The following FIGNL2 variants were observed in gnomAD, a reference collection of about 807,000 sequenced individuals.
The protein encoded by FIGNL2 is fidgetin-like protein 2.
For synonymous variants in FIGNL2, 565 were observed against 484.0 expected (o/e 1.17, Z -2.20); for missense variants, 1,060 against 950.2 (o/e 1.12, Z -1.52).
chr12:51,844,868 C>T (rs375870162), intron 1 of FIGNL2: 7 of 985,260 alleles, frequency 7.1e-6, no homozygotes, highest in African/African-American at 1.7e-5. Context: ...TACCCCTGGT[C>T]GCTTGGTTCT....
At position 51,821,194 on chromosome 12, in the gene FIGNL2, T is replaced by C; in HGVS notation, c.1220A>G (p.Glu407Gly). The part of the protein sequence containing the change: ...QGALKAALEE[E>G]LVWPLLRPPA... ...CGGCCTGAGCAGGGGCCACACCAGCTCCTCCTCCAGCGCCGCCTTGAGCGC... is the reference window on the plus strand; with the variant it reads ...CGGCCTGAGCAGGGGCCACACCAGCCCCTCCTCCAGCGCCGCCTTGAGCGC... The change falls in exon 2 of 2, where the codon GAG becomes GGG. Residue 407 changes from glutamate to glycine, a missense_variant. Transcript: ENST00000618634. The C allele has an allele frequency of 6.6e-7, 1 of 1,516,322 alleles. No homozygotes were observed. 93.9% of individuals were successfully genotyped at this position (1,516,322 alleles called of 1,614,324 possible). A position where few individuals can be genotyped will look rare whatever the true frequency, so the allele number is the denominator to read the frequency against.
chr12:51,836,897 G>A lies in FIGNL2; in HGVS notation c.-12+11643C>T, dbSNP rs187411047. Among the ~76,000 whole-genome samples the A allele has an allele frequency of 1.8e-3, 274 of 152,220 alleles. 1 individual carries two copies. The highest frequency in any genetic ancestry group is 6.1e-3 in the African/African-American group (254 of 41,524). On this transcript the variant is annotated intron_variant, in intron 1 of 1. Coordinates refer to ENST00000618634, the MANE Select transcript of FIGNL2 (RefSeq NM_001384995.1). ...CTCCCCTCACACAGGCGCACATGCCGGTGGGTGGGTGCGCAGACACACACA... is the reference window on the plus strand; with the variant it reads ...CTCCCCTCACACAGGCGCACATGCCAGTGGGTGGGTGCGCAGACACACACA...
chr12:51,821,637 G>C lies in FIGNL2; in HGVS notation c.777C>G (p.Ala259=), dbSNP rs764236315. 1.4e-5 allele frequency: 21 copies of C among 1,481,202 alleles called. No individual in the cohort carries two copies. In the South Asian group the frequency reaches 2.3e-4, roughly 16 times the overall value. The allele number at this position is 1,481,202 out of a possible 1,614,324, so 91.8% of individuals were successfully genotyped here. A position where few individuals can be genotyped will look rare whatever the true frequency, so the allele number is the denominator to read the frequency against. ...AYGFPTAAPG[A]ESGLSLKRKA... ...TGCGCTTCAGCGACAGCCCGGATTC[G>C]GCACCCGGCGCGGCCGTGGGGAAGC... The change falls in exon 2 of 2, where the codon GCC becomes GCG. Residue 259 remains alanine (A), a synonymous_variant. Coordinates refer to ENST00000618634, the MANE Select transcript of FIGNL2 (RefSeq NM_001384995.1).
intron 1 of FIGNL2, chr12:51,848,163 G>C (rs990537720): frequency 1.7e-5 from 17 of 984,290 alleles, no homozygotes; most frequent in Admixed American, 1.2e-4. Context: ...GGCTCCGGAC[G>C]CTGGATCCTT....
intron 1 of FIGNL2, among the ~76,000 whole-genome samples, chr12:51,840,401 C>T (rs1939641295): frequency 6.6e-6 from 1 of 152,188 alleles, no homozygotes; most frequent in South Asian, 2.1e-4. Context: ...AAAAATACTT[C>T]CTCAATGCAT....
intron 1 of FIGNL2, among the ~76,000 whole-genome samples, chr12:51,846,748 C>T (rs952882871): frequency 1.3e-5 from 2 of 152,142 alleles, no homozygotes; most frequent in African/African-American, 4.8e-5. Flanking sequence ...AACAGGAATC[C>T]CCCCGAGGAA....
intron 1 of FIGNL2, chr12:51,844,735 A>G: frequency 1.0e-6 from 1 of 977,356 alleles, no homozygotes; most frequent in Non-Finnish European, 1.2e-6. Flanking sequence ...AGTGGACCCT[A>G]AAAAAAAAGC....
chr12:51,832,838 C>T (rs1352948075), intron 1 of FIGNL2, among the ~76,000 whole-genome samples: 7 of 152,188 alleles, frequency 4.6e-5, no homozygotes, highest in East Asian at 3.9e-4. Context: ...AGTGAAACTC[C>T]GGGCTCCCAC....
At chr12:51,828,750 A>G (rs535977851) in intron 1 of FIGNL2, among the ~76,000 whole-genome samples, 1 of 152,172 alleles carries the variant, frequency 6.6e-6, no homozygotes, top group East Asian at 1.9e-4. Flanking sequence ...TGGGGCAGCA[A>G]ATGCCCTGAG....
intron 1 of FIGNL2, among the ~76,000 whole-genome samples, chr12:51,844,428 T>G (rs1939710409): frequency 1.3e-5 from 2 of 152,212 alleles, no homozygotes; most frequent in South Asian, 4.1e-4. Context: ...GGGTTCGCAC[T>G]GCAGTCCCCT....
In FIGNL2 at chr12:51,821,103, G is replaced by T. The variant is rs977341590; in HGVS notation, c.1311C>A (p.Gly437=). ...CGAGGCAGCGGCCCAGCAGCGCTTT[G>T]CCCGCGCCCCGCGGCCCAAAGAGCA... is the stretch of plus-strand genomic sequence containing the variant. The part of the protein sequence containing the change: ...TVLLFGPRGA[G]KALLGRCLAT... The change falls in exon 2 of 2, where the codon GGC becomes GGA. Residue 437 remains glycine (G), a synonymous_variant. Coordinates refer to ENST00000618634, the MANE Select transcript of FIGNL2 (RefSeq NM_001384995.1). 1 of 1,374,570 alleles carries T rather than the reference G, an allele frequency of 7.3e-7. No homozygotes were observed. Among genetic ancestry groups the T allele is most frequent in the Non-Finnish European group, 9.3e-7 (1 of 1,074,882 alleles). The allele number at this position is 1,374,570 out of a possible 1,614,324, so 85.1% of individuals were successfully genotyped here. A position where few individuals can be genotyped will look rare whatever the true frequency, so the allele number is the denominator to read the frequency against.
At chr12:51,847,483 A>T (rs1323335514) in intron 1 of FIGNL2, 5 of 985,270 alleles carry the variant, frequency 5.1e-6, no homozygotes, top group Non-Finnish European at 6.0e-6. Context: ...CCTCCAAATT[A>T]GGTATCCATG....
Position 51,820,607 on chromosome 12 carries a change from G to A in FIGNL2, c.1807C>T (p.Gln603Ter). Residue 603 changes from glutamine to a stop codon, truncating the protein, a stop_gained, in exon 2 of 2, where the codon CAG (glutamine) becomes TAG (stop). Coordinates refer to ENST00000618634, the MANE Select transcript of FIGNL2 (RefSeq NM_001384995.1). LOFTEE classifies it low-confidence loss of function (END_TRUNC). ...AGGCCCGCCCCGGCCGCCGCCTGCT[G>A]GCACAGCTGCCCCAGCTCGCCCCCA... ...FSGGELGQLCQQAAAGAGLPG... is the reference protein window; with the variant it reads ...FSGGELGQLC The A allele has an allele frequency of 6.6e-7, 1 of 1,525,734 alleles. No individual in the cohort carries two copies. The highest frequency in any genetic ancestry group is 8.7e-7 in the Non-Finnish European group (1 of 1,142,996). The allele number at this position is 1,525,734 out of a possible 1,614,324, so 94.5% of individuals were successfully genotyped here.
In FIGNL2 at chr12:51,820,285, T is replaced by C; in HGVS notation, c.*167A>G. On this transcript the variant is annotated 3_prime_UTR_variant, in exon 2 of 2. Transcript: ENST00000618634. ...TATGGCATCTGCCTGGCAGAAGCATTTTCCTTCCCACGAAAAAAAAAATAT... is the reference window on the plus strand; with the variant it reads ...TATGGCATCTGCCTGGCAGAAGCATCTTCCTTCCCACGAAAAAAAAAATAT... 1 of 911,696 alleles carries C rather than the reference T, an allele frequency of 1.1e-6. No individual in the cohort carries two copies. The highest frequency in any genetic ancestry group is 2.9e-5 in the East Asian group (1 of 34,440). 56.5% of individuals were successfully genotyped at this position (911,696 alleles called of 1,614,324 possible). A position where few individuals can be genotyped will look rare whatever the true frequency, so the allele number is the denominator to read the frequency against.
At chr12:51,840,340 CT>C (rs1408691635) in intron 1 of FIGNL2, among the ~76,000 whole-genome samples, 1 of 152,258 alleles carries the variant, frequency 6.6e-6, no homozygotes, top group Non-Finnish European at 1.5e-5. Context: ...CTCTTCACCA[CT>C]TTCAGCCTTA....
Position 51,822,304 on chromosome 12 carries a change from C to G in FIGNL2, c.110G>C (p.Gly37Ala), listed in dbSNP as rs375013993. ...SPAHKLELPP[G>A]GRQRCHYAWA... ...AGCGTAGTGGCAGCGTTGGCGACCC[C>G]CAGGGGGCAACTCCAACTTGTGGGC... Residue 37 changes from glycine to alanine, a missense_variant, in exon 2 of 2, where the codon GGG becomes GCG. Coordinates refer to ENST00000618634, the MANE Select transcript of FIGNL2 (RefSeq NM_001384995.1). 6.2e-7 allele frequency: 1 copy of G among 1,612,292 alleles called. No homozygotes were observed. Among genetic ancestry groups the G allele is most frequent in the Non-Finnish European group, 8.5e-7 (1 of 1,179,328 alleles).
rs1939179428 is a variant in FIGNL2 at position 51,821,266 on chromosome 12, AC to A, written c.1147del (p.Val383TrpfsTer111). ...CCACTGCACCGGGGGCCCGCAGTCCACCATCTTGCTCGTCACCAGCTCCAGG... is the reference window on the plus strand; with the variant it reads ...CCACTGCACCGGGGGCCCGCAGTCCACATCTTGCTCGTCACCAGCTCCAGG... The part of the protein sequence containing the change: ...GALELVTSKM[V>X]DCGPPVQWAD... On this transcript the variant is annotated frameshift_variant, in exon 2 of 2. Coordinates refer to ENST00000618634, the MANE Select transcript of FIGNL2 (RefSeq NM_001384995.1). LOFTEE classifies it low-confidence loss of function (END_TRUNC). 6.6e-7 allele frequency: 1 copy of A among 1,524,940 alleles called. No individual in the cohort carries two copies. The highest frequency in any genetic ancestry group is 1.4e-5 in the African/African-American group (1 of 70,854). 94.5% of individuals were successfully genotyped at this position (1,524,940 alleles called of 1,614,324 possible).
chr12:51,821,610 CT>C lies in FIGNL2; in HGVS notation c.803del (p.Lys268ArgfsTer111). 6.7e-7 allele frequency: 1 copy of C among 1,502,114 alleles called. No homozygotes were observed. Among genetic ancestry groups the C allele is most frequent in the South Asian group, 1.2e-5 (1 of 81,254 alleles). 93.0% of individuals were successfully genotyped at this position (1,502,114 alleles called of 1,614,324 possible). A position where few individuals can be genotyped will look rare whatever the true frequency, so the allele number is the denominator to read the frequency against. On this transcript the variant is annotated frameshift_variant, in exon 2 of 2. Transcript: ENST00000618634. LOFTEE classifies it low-confidence loss of function (END_TRUNC). ...GAESGLSLKR[K>X]AADEGPEGRY... Reference sequence around the variant, plus strand: ...GGCCCTCGGGCCCCTCGTCGGCGGCCTTGCGCTTCAGCGACAGCCCGGATTC... The same window carrying C: ...GGCCCTCGGGCCCCTCGTCGGCGGCCTGCGCTTCAGCGACAGCCCGGATTC...
intron 1 of FIGNL2, among the ~76,000 whole-genome samples, chr12:51,832,317 C>A (rs2077200576): frequency 6.6e-6 from 1 of 152,092 alleles, no homozygotes; most frequent in East Asian, 1.9e-4. Context: ...GTGCCCGGCC[C>A]CAAAATAATT....
Sources: gnomAD v4.1 joint callset for allele counts (sites outside exome capture counted in the v4.1 genomes callset) on GRCh38, gnomAD v4.1.1 for gene constraint, MANE v1.5 for transcripts, NCBI Gene and HGNC (gene_info 2026-07-23, HGNC 2026-07-21) for gene names.